Variants in HNF4A observed in about 807,000 individuals in gnomAD.
HNF4A encodes the protein hepatocyte nuclear factor 4-alpha.
Under a neutral mutation model 52.4 loss-of-function variants are expected in HNF4A, and 15 were observed. The ratio of observed to expected loss-of-function variants is 0.29; its 90% CI spans 0.19 to 0.44. HNF4A has a LOEUF of 0.44. Ranked by LOEUF, HNF4A falls within the 20% of genes least tolerant of loss-of-function variation. The pLI is 1.00. For missense variants in HNF4A, 479 were observed against 647.2 expected, an observed-to-expected ratio of 0.74 and a Z score of 2.82; for synonymous variants, 280 against 264.4, an observed-to-expected ratio of 1.06 and a Z score of -0.57.
chr20:44,377,224 G>A (rs973356618), intron 1 of HNF4A, among the ~76,000 whole-genome samples: 4 of 151,948 alleles, frequency 2.6e-5, no homozygotes, highest in Admixed American at 2.6e-4. Flanking sequence ...CTATACGTGG[G>A]GGCTAAACCT....
At chr20:44,388,715 G>T (rs2063264948) in intron 1 of HNF4A, among the ~76,000 whole-genome samples, 2 of 152,222 alleles carry the variant, frequency 1.3e-5, no homozygotes, top group African/African-American at 4.8e-5. Context: ...CCCAGGAAGC[G>T]CAAAGCGCAG....
At chr20:44,359,207 T>A (rs2062891680) in intron 1 of HNF4A, among the ~76,000 whole-genome samples, 1 of 152,132 alleles carries the variant, frequency 6.6e-6, no homozygotes, top group Non-Finnish European at 1.5e-5. Flanking sequence ...ACAATGATGA[T>A]CATCAATGTC....
In HNF4A at chr20:44,425,656, C is replaced by CTTTTT. The variant is rs10657596; in HGVS notation, c.1129+1414_1129+1418dup. ...ATTGTGGACCCTCTTTTCTTTTTTC[C>CTTTTT]TTTTTTTTTTTTTTTTGAGACGAGA... On this transcript the variant is annotated intron_variant, in intron 8 of 9. Coordinates refer to ENST00000316099, the MANE Select transcript of HNF4A (RefSeq NM_000457.6). 9.8e-3 allele frequency among the ~76,000 whole-genome samples: 1,265 copies of CTTTTT among 129,416 alleles called. 21 individuals carry two copies. Among genetic ancestry groups the CTTTTT allele is most frequent in the South Asian group, 0.016 (65 of 4,068 alleles). 84.9% of individuals were successfully genotyped at this position (129,416 alleles called of 152,430 possible).
chr20:44,361,790 C>A (rs2062920270), intron 1 of HNF4A, among the ~76,000 whole-genome samples: 1 of 152,150 alleles, frequency 6.6e-6, no homozygotes, highest in Non-Finnish European at 1.5e-5. Context: ...CAGCAGCAAC[C>A]AAAGACAGAG....
intron 1 of HNF4A, among the ~76,000 whole-genome samples, chr20:44,367,899 A>G (rs921897637): frequency 6.6e-6 from 1 of 151,734 alleles, no homozygotes; most frequent in East Asian, 1.9e-4. Flanking sequence ...AAAACCACGC[A>G]GCGCATGAGA....
In HNF4A at chr20:44,429,548, A is replaced by G; in HGVS notation, c.1308A>G (p.Ser436=). ...CCACCCCTGAGACCCCACAGCCCTC[A>G]CCGCCAGGTGGCTCAGGGTCTGAGC... The change falls in exon 10 of 10, where the codon TCA becomes TCG. Residue 436 remains serine, a synonymous_variant. Transcript: ENST00000316099. The G allele has an allele frequency of 2.5e-6, 4 of 1,613,666 alleles. No individual in the cohort carries two copies. The highest frequency in any genetic ancestry group is 3.4e-6 in the Non-Finnish European group (4 of 1,179,928).
At chr20:44,401,679 T>G (rs2063411760) in intron 1 of HNF4A, among the ~76,000 whole-genome samples, 1 of 152,228 alleles carries the variant, frequency 6.6e-6, no homozygotes, top group African/African-American at 2.4e-5. Flanking sequence ...GCATTCTGGG[T>G]GAAGGGAGGC....
intron 3 of HNF4A, among the ~76,000 whole-genome samples, chr20:44,411,113 C>A (rs1454976457): frequency 6.6e-6 from 1 of 152,114 alleles, no homozygotes; most frequent in Non-Finnish European, 1.5e-5. Context: ...GACAAATATT[C>A]GGCTCCTGGC....
downstream of HNF4A, chr20:44,433,358 G>A (rs2063898653): frequency 6.4e-6 from 1 of 156,340 alleles, no homozygotes; most frequent in Non-Finnish European, 1.4e-5. Flanking sequence ...TGGTTTTTTT[G>A]TTTTGTTTTG....
chr20:44,374,436 G>C (rs568509913), intron 1 of HNF4A, among the ~76,000 whole-genome samples: 1 of 152,156 alleles, frequency 6.6e-6, no homozygotes, highest in East Asian at 1.9e-4. Flanking sequence ...CACTGCTGAT[G>C]GGCACTTAGG....
chr20:44,391,428 C>G (rs913688431), intron 1 of HNF4A: 6 of 152,746 alleles, frequency 3.9e-5, no homozygotes, highest in African/African-American at 1.4e-4. Flanking sequence ...GACAGCCCCC[C>G]TCCTCACCTC....
intron 8 of HNF4A, among the ~76,000 whole-genome samples, chr20:44,428,054 C>G (rs2063832889): frequency 6.6e-6 from 1 of 152,192 alleles, no homozygotes; most frequent in Admixed American, 6.5e-5. Flanking sequence ...CAATACACTA[C>G]TCATTAGAAC....
chr20:44,401,183 A>G (rs1293738444), upstream of HNF4A: 4 of 1,462,562 alleles, frequency 2.7e-6, no homozygotes, highest in African/African-American at 4.2e-5. Flanking sequence ...ATTAACCCCC[A>G]CCCCTCCCCG....
intron 1 of HNF4A, among the ~76,000 whole-genome samples, chr20:44,404,833 T>TGTGTGGACTGTA (rs2063466631): frequency 1.4e-5 from 1 of 69,216 alleles, no homozygotes; most frequent in Non-Finnish European, 2.8e-5. Context: ...TGAACTGTGG[T>TGTGTGGACTGTA]GTGTGTGTGC....
At position 44,428,369 on chromosome 20, in the gene HNF4A, C is replaced by T; in HGVS notation, c.1164C>T (p.Pro388=). 1 of 1,614,146 alleles carries T rather than the reference C, an allele frequency of 6.2e-7. No homozygotes were observed. Among genetic ancestry groups the T allele is most frequent in the Non-Finnish European group, 8.5e-7 (1 of 1,180,018 alleles). Residue 388 remains proline, a synonymous_variant, in exon 9 of 10, where the codon CCC becomes CCT. Coordinates refer to ENST00000316099, the MANE Select transcript of HNF4A (RefSeq NM_000457.6). ...GCGATGCACCCCATGCCCACCACCC[C>T]CTGCACCCTCACCTGATGCAGGAAC...
At chr20:44,358,292 A>G (rs2062880548) in intron 1 of HNF4A, among the ~76,000 whole-genome samples, 1 of 151,904 alleles carries the variant, frequency 6.6e-6, no homozygotes, top group Non-Finnish European at 1.5e-5. Context: ...CTGAGAAAAG[A>G]AACAAGTGCT....
chr20:44,429,705 GC>G lies in HNF4A; in HGVS notation c.*45del. ...TTGGGGGCTCCACTGGCTCCCCCCAGCCCCCTAAGAGAGCACCTGGTGATCA... is the reference window on the plus strand; with the variant it reads ...TTGGGGGCTCCACTGGCTCCCCCCAGCCCCTAAGAGAGCACCTGGTGATCA... On this transcript the variant is annotated 3_prime_UTR_variant, in exon 10 of 10. Transcript: ENST00000316099. The G allele has an allele frequency of 6.2e-7, 1 of 1,606,992 alleles. No homozygotes were observed. The highest frequency in any genetic ancestry group is 8.5e-7 in the Non-Finnish European group (1 of 1,174,046).
chr20:44,425,672 T>TTTTTG (rs2063807040), intron 8 of HNF4A, among the ~76,000 whole-genome samples: 3 of 149,696 alleles, frequency 2.0e-5, no homozygotes, highest in Non-Finnish European at 3.0e-5. Context: ...TTTTTTTTTT[T>TTTTTG]GAGACGAGAT....
In HNF4A at chr20:44,413,600, C is replaced by A. The variant is rs549378385; in HGVS notation, c.386-94C>A. 1.3e-3 allele frequency: 1,082 copies of A among 852,180 alleles called. 3 individuals are homozygous for A. The highest frequency in any genetic ancestry group is 1.9e-3 in the Non-Finnish European group (990 of 508,788). 52.8% of individuals were successfully genotyped at this position (852,180 alleles called of 1,614,324 possible). ...TGTGGGCCTGTTCTCTGGACACCCC[C>A]CACCTCCTGCTCCCACTCCTCATCA... On this transcript the variant is annotated intron_variant, in intron 3 of 9. Coordinates refer to ENST00000316099, the MANE Select transcript of HNF4A (RefSeq NM_000457.6).
Sources: allele counts gnomAD v4.1 joint callset (sites outside exome capture counted in the v4.1 genomes callset), GRCh38; gene constraint gnomAD v4.1.1; transcripts MANE v1.5; gene names NCBI Gene and HGNC (gene_info 2026-07-23, HGNC 2026-07-21).